The following CYP39A1 variants were observed in gnomAD, a reference collection of about 807,000 sequenced individuals.
CYP39A1 encodes cytochrome P450 family 39 subfamily A member 1, also known as 24-hydroxycholesterol 7-alpha-hydroxylase.
In CYP39A1, 49 loss-of-function variants were observed where a neutral mutation model predicts 58.1. The observed-to-expected ratio is 0.84, with a 90% confidence interval of 0.67 to 1.07. The LOEUF is 1.07. Among genes scored for constraint, CYP39A1 ranks in the 50% least tolerant of loss-of-function variants. The pLI is 0.00. For missense variants in CYP39A1, 531 were observed against 539.4 expected (o/e 0.98, Z 0.16); for synonymous variants, 209 against 187.6 (o/e 1.11, Z -0.93).
At chr6:46,627,706 C>G (rs1292581787) in intron 6 of CYP39A1, among the ~76,000 whole-genome samples, 2 of 151,824 alleles carry the variant, frequency 1.3e-5, no homozygotes, top group Non-Finnish European at 2.9e-5. Context: ...GCGTGAGCCA[C>G]TTTTTTTTAA....
At chr6:46,554,593 GAC>G (rs1770573461) in intron 10 of CYP39A1, among the ~76,000 whole-genome samples, 1 of 144,684 alleles carries the variant, frequency 6.9e-6, no homozygotes, top group South Asian at 2.1e-4. Flanking sequence ...TATTTTCTAA[GAC>G]ACATACAAAT....
intron 10 of CYP39A1, chr6:46,586,332 G>A (rs1772471425): frequency 1.0e-6 from 1 of 984,150 alleles, no homozygotes. Context: ...GTCATAAACA[G>A]GTACTGACAT....
chr6:46,647,904 T>A (rs567619290), intron 1 of CYP39A1, among the ~76,000 whole-genome samples: 2 of 152,218 alleles, frequency 1.3e-5, no homozygotes, highest in Admixed American at 6.5e-5. Flanking sequence ...ATTGCAAAAA[T>A]TTTTTCCCAT....
chr6:46,607,920 T>C (rs1239399817), intron 7 of CYP39A1, among the ~76,000 whole-genome samples: 1 of 152,212 alleles, frequency 6.6e-6, no homozygotes, highest in Non-Finnish European at 1.5e-5. Flanking sequence ...AGAGGCTGCC[T>C]TTCCATATTC....
rs1770317699 is a variant in CYP39A1, at chr6:46,550,276, G to GTGTTTT, written c.*84_*89dup. On this transcript the variant is annotated 3_prime_UTR_variant, in exon 12 of 12. Coordinates refer to ENST00000275016, the MANE Select transcript of CYP39A1 (RefSeq NM_016593.5). ...AAGTCCTAAAACAAAGTGAAGCAGT[G>GTGTTTT]TGTTTTTGTAGAGCTCAGGTCTAGG... The GTGTTTT allele has an allele frequency of 2.1e-6, 2 of 962,098 alleles. No homozygotes were observed. Among genetic ancestry groups the GTGTTTT allele is most frequent in the East Asian group, 4.9e-5 (2 of 40,608 alleles). 59.6% of individuals were successfully genotyped at this position (962,098 alleles called of 1,614,324 possible). A position where few individuals can be genotyped will look rare whatever the true frequency, so the allele number is the denominator to read the frequency against.
intron 1 of CYP39A1, among the ~76,000 whole-genome samples, chr6:46,644,079 A>G (rs1776502202): frequency 6.6e-6 from 1 of 152,192 alleles, no homozygotes; most frequent in South Asian, 2.1e-4. Flanking sequence ...GAATGTTTCC[A>G]TCACCACAAA....
intron 10 of CYP39A1, among the ~76,000 whole-genome samples, chr6:46,578,108 A>C (rs1340021670): frequency 1.3e-5 from 2 of 152,192 alleles, no homozygotes; most frequent in Non-Finnish European, 2.9e-5. Context: ...AAAAATAGAA[A>C]TTAATACCAA....
intron 4 of CYP39A1, among the ~76,000 whole-genome samples, 200 bp downstream of exon 4, chr6:46,637,629 G>C (rs2150590871): frequency 6.6e-6 from 1 of 152,196 alleles, no homozygotes; most frequent in East Asian, 1.9e-4. Flanking sequence ...TTTTGTTTTT[G>C]TTCATCACAA....
intron 7 of CYP39A1, among the ~76,000 whole-genome samples, chr6:46,615,803 G>C (rs902324061): frequency 1.3e-5 from 2 of 151,118 alleles, no homozygotes; most frequent in African/African-American, 4.9e-5. Flanking sequence ...AGAGTTTTGT[G>C]AGCCCACAGT....
At chr6:46,556,753 G>A (rs1353674737) in intron 10 of CYP39A1, among the ~76,000 whole-genome samples, 1 of 152,114 alleles carries the variant, frequency 6.6e-6, no homozygotes. Flanking sequence ...GCAACTAACT[G>A]CATGTCATAA....
intron 1 of CYP39A1, among the ~76,000 whole-genome samples, chr6:46,647,418 T>C (rs1762390161): frequency 1.3e-5 from 2 of 152,200 alleles, no homozygotes; most frequent in Non-Finnish European, 1.5e-5. Context: ...GAGGTGCCCT[T>C]CCCAAGAGCT....
At chr6:46,563,453 T>G (rs909463534) in intron 10 of CYP39A1, among the ~76,000 whole-genome samples, 55 of 152,240 alleles carry the variant, frequency 3.6e-4, no homozygotes, top group African/African-American at 1.2e-3. Context: ...TGAAAATTTT[T>G]TAAATACTTG....
At chr6:46,606,421 T>A (rs565603220) in intron 7 of CYP39A1, among the ~76,000 whole-genome samples, 2 of 152,302 alleles carry the variant, frequency 1.3e-5, no homozygotes, top group South Asian at 4.1e-4. Context: ...CTATGACTCT[T>A]AGAAATAGCT....
intron 10 of CYP39A1, among the ~76,000 whole-genome samples, chr6:46,570,355 A>G (rs1033662947): frequency 2.6e-5 from 4 of 151,906 alleles, no homozygotes; most frequent in Non-Finnish European, 4.4e-5. Flanking sequence ...CTTTATTTCC[A>G]TATGTCTGCC....
At chr6:46,559,595 G>A (rs1182974199) in intron 10 of CYP39A1, among the ~76,000 whole-genome samples, 2 of 152,210 alleles carry the variant, frequency 1.3e-5, no homozygotes, top group Non-Finnish European at 2.9e-5. Flanking sequence ...GGAAGCATGA[G>A]TAGCCTCACT....
At chr6:46,603,864 T>C (rs976952351) in intron 7 of CYP39A1, among the ~76,000 whole-genome samples, 3 of 152,238 alleles carry the variant, frequency 2.0e-5, no homozygotes, top group Admixed American at 6.5e-5. Context: ...TGCTCCTCAT[T>C]GTACTTCCTA....
At chr6:46,583,102 A>G in intron 10 of CYP39A1, 1 of 985,386 alleles carries the variant, frequency 1.0e-6, no homozygotes. Context: ...AACATACACA[A>G]AAAGTAAAAA....
chr6:46,621,323 AAAATT>A (rs146755872), intron 7 of CYP39A1, among the ~76,000 whole-genome samples: 28,887 of 151,886 alleles, frequency 0.19, 2,917 homozygotes, highest in African/African-American at 0.27. Flanking sequence ...AGATTAGAAC[AAAATT>A]AAATTAAATA....
intron 7 of CYP39A1, among the ~76,000 whole-genome samples, chr6:46,598,869 C>T (rs1448631759): frequency 6.6e-6 from 1 of 152,080 alleles, no homozygotes; most frequent in Non-Finnish European, 1.5e-5. Flanking sequence ...TAGAGCAGTG[C>T]CCGGTATGTA....
Sources: gnomAD v4.1 joint callset for allele counts (sites outside exome capture counted in the v4.1 genomes callset) on GRCh38, gnomAD v4.1.1 for gene constraint, MANE v1.5 for transcripts, NCBI Gene and HGNC (gene_info 2026-07-23, HGNC 2026-07-21) for gene names.